ATP6V0A2: variants seen among roughly 807,000 people sequenced by gnomAD.
ATP6V0A2 encodes ATPase H+ transporting V0 subunit a2.
In ATP6V0A2, 58 loss-of-function variants were observed where a neutral mutation model predicts 104.4. That is an observed-to-expected ratio of 0.56 (90% confidence interval 0.45 to 0.69). The LOEUF (loss-of-function observed/expected upper bound fraction) is 0.69, where lower values mean the gene tolerates loss of function less well. ATP6V0A2 is among the 30% of genes least tolerant of loss of function. The pLI is 0.00. For missense variants in ATP6V0A2, 938 were observed against 1,062.9 expected, an observed-to-expected ratio of 0.88 and a Z score of 1.63; for synonymous variants, 376 against 397.9, an observed-to-expected ratio of 0.95 and a Z score of 0.65.
chr12:123,714,573 T>C (rs7135267), intron 1 of ATP6V0A2, among the ~76,000 whole-genome samples: 54,562 of 152,046 alleles, frequency 0.36, 10,268 homozygotes, highest in African/African-American at 0.41. Context: ...AGAACAGGTT[T>C]CCTCTTTAGT....
chr12:123,714,624 A>G (rs1260715791), intron 1 of ATP6V0A2, among the ~76,000 whole-genome samples: 1 of 152,166 alleles, frequency 6.6e-6, no homozygotes, highest in African/African-American at 2.4e-5. Flanking sequence ...GTGAATATCA[A>G]AACAAACAGC....
intron 17 of ATP6V0A2, 132 bp from the exon 18 acceptor site, chr12:123,754,288 A>T: frequency 1.3e-6 from 1 of 744,768 alleles, no homozygotes; most frequent in Non-Finnish European, 2.4e-6. Context: ...TGTTCCTCAC[A>T]CTCTAGCGTG....
In ATP6V0A2 at chr12:123,729,147, T is replaced by G. The variant is rs192491304; in HGVS notation, c.648+1238T>G. ...GTTCCTGTTCCTTTAATTATTTATT[T>G]TGATATTCACATTCTCCTAGATTTG... On this transcript the variant is annotated intron_variant, in intron 6 of 19. Coordinates refer to ENST00000330342, the MANE Select transcript of ATP6V0A2 (RefSeq NM_012463.4). 1.6e-3 allele frequency among the ~76,000 whole-genome samples: 245 copies of G among 152,310 alleles called. 1 individual carries two copies. The highest frequency in any genetic ancestry group is 5.3e-3 in the African/African-American group (220 of 41,570).
At position 123,737,194 on chromosome 12, in the gene ATP6V0A2, A is replaced by G. The variant is rs2135901945; in HGVS notation, c.961A>G (p.Asn321Asp). The G allele has an allele frequency of 6.2e-7, 1 of 1,614,194 alleles. No individual in the cohort carries two copies. Among genetic ancestry groups the G allele is most frequent in the South Asian group, 1.1e-5 (1 of 91,078 alleles). ...GAACATGTGCAGCTTTGACGTGACC[A>G]ACAAGTGCCTCATTGCTGAGGTCTG... ...MLNMCSFDVT[N>D]KCLIAEVWCP... Residue 321 changes from asparagine to aspartate, a missense_variant, in exon 9 of 20, where the codon AAC becomes GAC. Asn to Asp is a conservative substitution (Grantham distance 23). Coordinates refer to ENST00000330342, the MANE Select transcript of ATP6V0A2 (RefSeq NM_012463.4).
chr12:123,733,030 G>T (rs535357014), intron 6 of ATP6V0A2: 1 of 152,148 alleles, frequency 6.6e-6, no homozygotes, highest in African/African-American at 2.4e-5. Flanking sequence ...AAGTCACTGA[G>T]GGCTGAGCAC....
rs1364402121 is a variant in ATP6V0A2, at chr12:123,712,403, A to G, written c.-163A>G. ...CAGCTGGAGCGGCGGCCGCGGTGGC[A>G]GAACCGGGGGCGGCCGCTGCAGTCT... On this transcript the variant is annotated 5_prime_UTR_variant, in exon 1 of 20. Transcript: ENST00000330342. 4 of 380,426 alleles carry G rather than the reference A, an allele frequency of 1.1e-5. No homozygotes were observed. Among genetic ancestry groups the G allele is most frequent in the East Asian group, 8.7e-5 (2 of 23,112 alleles). The allele number at this position is 380,426 out of a possible 1,614,324, so 23.6% of individuals were successfully genotyped here. A position where few individuals can be genotyped will look rare whatever the true frequency, so the allele number is the denominator to read the frequency against.
intron 1 of ATP6V0A2, among the ~76,000 whole-genome samples, chr12:123,717,879 G>A (rs1351374285): frequency 1.3e-5 from 2 of 151,802 alleles, no homozygotes; most frequent in South Asian, 2.1e-4. Context: ...TTTTTCCTTA[G>A]GTTAAATTTT....
chr12:123,712,839 C>T (rs933203091), intron 1 of ATP6V0A2, among the ~76,000 whole-genome samples, 157 bp downstream of exon 1: 8 of 152,152 alleles, frequency 5.3e-5, no homozygotes, highest in African/African-American at 1.9e-4. Flanking sequence ...GCGGCCAAAG[C>T]TTCCCGGAGC....
rs565286213 is a variant in ATP6V0A2 at position 123,740,475 on chromosome 12, T to C, written c.1038+3204T>C. 3.8e-4 allele frequency among the ~76,000 whole-genome samples: 58 copies of C among 152,342 alleles called. 1 individual carries two copies. The highest frequency in any genetic ancestry group is 1.3e-3 in the African/African-American group (55 of 41,580). On this transcript the variant is annotated intron_variant, in intron 9 of 19. Transcript: ENST00000330342. ...ATCCACCTGCCTTTACCTCCCAAAATGCTGGGATTACAGGCGTGAGCCATC... is the reference window on the plus strand; with the variant it reads ...ATCCACCTGCCTTTACCTCCCAAAACGCTGGGATTACAGGCGTGAGCCATC...
At chr12:123,732,599 A>C (rs1266467014) in intron 6 of ATP6V0A2, 4 of 148,894 alleles carry the variant, frequency 2.7e-5, no homozygotes, top group Non-Finnish European at 1.5e-5. Flanking sequence ...CTCTTCTCCC[A>C]GTGGCCATGG....
intron 19 of ATP6V0A2, among the ~76,000 whole-genome samples, chr12:123,757,209 G>A (rs1189679463): frequency 6.6e-6 from 1 of 152,166 alleles, no homozygotes; most frequent in Non-Finnish European, 1.5e-5. Flanking sequence ...GGGAGGCCAA[G>A]GCAGGTGGAT....
chr12:123,737,770 A>G (rs1488725525), intron 9 of ATP6V0A2: 1 of 171,590 alleles, frequency 5.8e-6, no homozygotes, highest in Non-Finnish European at 1.3e-5. Context: ...CAGTTCTGTT[A>G]TTTCTTTGAG....
Position 123,735,532 on chromosome 12 carries a change from T to C in ATP6V0A2, c.733T>C (p.Tyr245His). The change falls in exon 8 of 20, where the codon TAC becomes CAC. Residue 245 changes from tyrosine to histidine, a missense_variant and splice_region_variant. By Grantham distance (83) the Tyr-to-His change is moderately conservative (BLOSUM62 2). Coordinates refer to ENST00000330342, the MANE Select transcript of ATP6V0A2 (RefSeq NM_012463.4). ...CTGTGTTCAACTCTTGTCTTCCAGCTACCACTGCCACGTGTACCCCTATCC... is the reference window on the plus strand; with the variant it reads ...CTGTGTTCAACTCTTGTCTTCCAGCCACCACTGCCACGTGTACCCCTATCC... Reference protein sequence around the residue: ...GHKVKKICDCYHCHVYPYPNT... With the variant: ...GHKVKKICDCHHCHVYPYPNT... 1.2e-6 allele frequency: 2 copies of C among 1,613,682 alleles called. No individual in the cohort carries two copies. The highest frequency in any genetic ancestry group is 1.7e-6 in the Non-Finnish European group (2 of 1,179,692).
chr12:123,718,763 G>A (rs946133409), intron 2 of ATP6V0A2, 62 bp downstream of exon 2: 12 of 1,225,856 alleles, frequency 9.8e-6, no homozygotes, highest in East Asian at 4.7e-5. Flanking sequence ...AACCTTGTTC[G>A]GTTTAAAAAT....
intron 6 of ATP6V0A2, 117 bp from the exon 7 acceptor site, chr12:123,733,809 G>T: frequency 1.3e-6 from 1 of 787,034 alleles, no homozygotes; most frequent in Non-Finnish European, 2.3e-6. Context: ...CTCAAATAAG[G>T]AGTATTGACT....
At chr12:123,724,600 A>T (rs1400426269) in intron 3 of ATP6V0A2, 54 bp from the exon 4 acceptor site, 1 of 1,592,064 alleles carries the variant, frequency 6.3e-7, no homozygotes. Flanking sequence ...AGATTATTGG[A>T]ATTACACTTG....
chr12:123,752,240 T>C (rs370369278), intron 16 of ATP6V0A2, 43 bp from the exon 17 acceptor site: 1 of 1,613,290 alleles, frequency 6.2e-7, no homozygotes, highest in Non-Finnish European at 8.5e-7. Context: ...GTCACAACCT[T>C]GTGGTTTTAC....
intron 2 of ATP6V0A2, among the ~76,000 whole-genome samples, chr12:123,719,919 T>G (rs1207977284): frequency 6.6e-6 from 1 of 152,112 alleles, no homozygotes; most frequent in Non-Finnish European, 1.5e-5. Context: ...CATGGCAAAG[T>G]TAACCAACAA....
intron 18 of ATP6V0A2, 65 bp from the exon 19 acceptor site, chr12:123,756,750 T>G: frequency 1.3e-6 from 2 of 1,570,616 alleles, no homozygotes; most frequent in Admixed American, 3.3e-5. Context: ...TCAGTCCAGG[T>G]AGCTCACAGA....
Sources: gnomAD v4.1 joint callset for allele counts (sites outside exome capture counted in the v4.1 genomes callset) on GRCh38, gnomAD v4.1.1 for gene constraint, MANE v1.5 for transcripts, NCBI Gene and HGNC (gene_info 2026-07-23, HGNC 2026-07-21) for gene names.